The following PIK3C2G variants were observed in gnomAD, a reference collection of about 807,000 sequenced individuals.
PIK3C2G encodes phosphatidylinositol 3-kinase C2 domain-containing subunit gamma.
Under a neutral mutation model 181.1 loss-of-function variants are expected in PIK3C2G, and 168 were observed. That is an observed-to-expected ratio of 0.93 (90% CI 0.82 to 1.05). The LOEUF is 1.05. PIK3C2G is among the 50% of genes least tolerant of loss of function. PIK3C2G has a pLI of 0.00. For synonymous variants in PIK3C2G, 573 were observed against 592.2 expected, an observed-to-expected ratio of 0.97 and a Z score of 0.47; for missense variants, 1,869 against 1,732.8, an observed-to-expected ratio of 1.08 and a Z score of -1.40.
intron 1 of PIK3C2G, among the ~76,000 whole-genome samples, chr12:18,265,273 G>A (rs569310390): frequency 1.3e-5 from 2 of 152,086 alleles, no homozygotes; most frequent in South Asian, 4.1e-4. Flanking sequence ...CACATTTTAG[G>A]TATGTTCATT....
At chr12:18,497,245 T>TCACTTAGA (rs1454220698) in intron 21 of PIK3C2G, among the ~76,000 whole-genome samples, 2 of 152,168 alleles carry the variant, frequency 1.3e-5, no homozygotes, top group African/African-American at 4.8e-5. Flanking sequence ...AAATAATGTT[T>TCACTTAGA]CACTTAGAAA....
chr12:18,487,034 A>G (rs940841337), intron 18 of PIK3C2G, among the ~76,000 whole-genome samples: 7 of 151,954 alleles, frequency 4.6e-5, no homozygotes, highest in Non-Finnish European at 7.4e-5. Flanking sequence ...TTAAAATGAA[A>G]AGAACCAAGT....
chr12:18,556,711 C>A (rs907999706), intron 26 of PIK3C2G, among the ~76,000 whole-genome samples: 1 of 152,042 alleles, frequency 6.6e-6, no homozygotes, highest in Non-Finnish European at 1.5e-5. Flanking sequence ...TGCTATTATC[C>A]TCATGTCTTT....
chr12:18,376,014 A>T (rs1170044931), intron 13 of PIK3C2G, among the ~76,000 whole-genome samples: 1 of 152,258 alleles, frequency 6.6e-6, no homozygotes, highest in Non-Finnish European at 1.5e-5. Context: ...CCGGGTGCCC[A>T]GCCATAAGCC....
chr12:18,605,771 T>C (rs995254862), intron 30 of PIK3C2G, among the ~76,000 whole-genome samples: 2 of 152,156 alleles, frequency 1.3e-5, no homozygotes, highest in Non-Finnish European at 2.9e-5. Context: ...AATGTCCCTC[T>C]TGAGTTCATT....
intron 25 of PIK3C2G, among the ~76,000 whole-genome samples, chr12:18,544,100 G>A (rs1944302447): frequency 6.6e-6 from 1 of 151,788 alleles, no homozygotes; most frequent in Non-Finnish European, 1.5e-5. Flanking sequence ...CCTTGAAAAA[G>A]AATTTCAGTG....
the PIK3C2G span, chr12:18,684,340 T>C: frequency 3.3e-5 from 49 of 1,490,056 alleles, 2 homozygotes; most frequent in South Asian, 5.8e-4. Context: ...AAAAAATAGA[T>C]TACATTTGTT....
the PIK3C2G span, chr12:18,723,298 A>T: frequency 6.3e-7 from 1 of 1,598,418 alleles, no homozygotes; most frequent in African/African-American, 1.3e-5. Context: ...AAAAGTTTGA[A>T]ATGCAAACAT....
intron 24 of PIK3C2G, among the ~76,000 whole-genome samples, chr12:18,533,941 CTTTTTTTTTT>C (rs542327503): frequency 1.1e-5 from 1 of 91,484 alleles, no homozygotes; most frequent in Non-Finnish European, 2.0e-5. Context: ...CCTGCTATTT[CTTTTTTTTTT>C]TTTTTTTTTT....
chr12:18,295,236 C>T (rs1949888004), intron 5 of PIK3C2G, among the ~76,000 whole-genome samples: 1 of 151,754 alleles, frequency 6.6e-6, no homozygotes, highest in Non-Finnish European at 1.5e-5. Flanking sequence ...TTAACACACT[C>T]ATTTACTAGT....
At chr12:18,650,500 A>G (rs1000475839), downstream of PIK3C2G, among the ~76,000 whole-genome samples, 7 of 150,076 alleles carry the variant, frequency 4.7e-5, no homozygotes, top group African/African-American at 1.7e-4. Flanking sequence ...TTTCCTGTGT[A>G]TGAAAAAAAA....
At chr12:18,707,221 T>C in the PIK3C2G span, among the ~76,000 whole-genome samples, 1 of 152,210 alleles carries the variant, frequency 6.6e-6, no homozygotes, top group South Asian at 2.1e-4. Flanking sequence ...GTTCCAGGAA[T>C]TAAAACTTAA....
chr12:18,303,405 G>C (rs987941878), intron 5 of PIK3C2G, among the ~76,000 whole-genome samples: 3 of 151,118 alleles, frequency 2.0e-5, no homozygotes, highest in Admixed American at 2.0e-4. Context: ...CATGATCTTG[G>C]CTCACCGCAA....
intron 30 of PIK3C2G, among the ~76,000 whole-genome samples, chr12:18,598,893 G>C (rs1247449392): frequency 6.6e-6 from 1 of 150,892 alleles, no homozygotes; most frequent in Admixed American, 6.6e-5. Flanking sequence ...AAACACATGA[G>C]AAAATGCTCA....
In PIK3C2G at chr12:18,420,931, T is replaced by C. The variant is rs762610065; in HGVS notation, c.2316-10T>C. 2.8e-6 allele frequency: 4 copies of C among 1,449,400 alleles called. No individual in the cohort carries two copies. The highest frequency in any genetic ancestry group is 2.3e-5 in the South Asian group (2 of 87,430). The allele number at this position is 1,449,400 out of a possible 1,614,324, so 89.8% of individuals were successfully genotyped here. On this transcript the variant is annotated splice_polypyrimidine_tract_variant and intron_variant, in intron 16 of 32. Coordinates refer to ENST00000538779, the MANE Select transcript of PIK3C2G (RefSeq NM_001288772.2). ...TTAACAGCTTAGTGGATATATTTAC[T>C]GTGTATTAGTTTTCCAGATCAAGAA...
At chr12:18,664,044 A>G in the PIK3C2G span, among the ~76,000 whole-genome samples, 1 of 152,202 alleles carries the variant, frequency 6.6e-6, no homozygotes, top group Admixed American at 6.5e-5. Context: ...AACTACAATG[A>G]TATAACACTC....
At chr12:18,546,582 G>A (rs1432259113) in intron 26 of PIK3C2G, 150 bp downstream of exon 26, 1 of 604,314 alleles carries the variant, frequency 1.7e-6, no homozygotes, top group Non-Finnish European at 3.0e-6. Flanking sequence ...AGAGCAGAAA[G>A]GAAGCAATGT....
Position 18,546,376 on chromosome 12 carries a change from G to C in PIK3C2G, c.3534G>C (p.Val1178=), listed in dbSNP as rs1281762058. The C allele has an allele frequency of 1.2e-6, 2 of 1,602,110 alleles. No homozygotes were observed. Among genetic ancestry groups the C allele is most frequent in the South Asian group, 2.3e-5 (2 of 88,838 alleles). The stretch of plus-strand genomic sequence containing the variant: ...GTGGAATTCAAGACCTGAAATATGT[G>C]TATAATAATCTTCGTCCACAAGACA... ...ELSGIQDLKY[V]YNNLRPQDTD... is the part of the protein sequence containing the mutation. The change falls in exon 26 of 33, where the codon GTG becomes GTC. Residue 1178 remains valine (V), a synonymous_variant. Coordinates refer to ENST00000538779, the MANE Select transcript of PIK3C2G (RefSeq NM_001288772.2).
intron 29 of PIK3C2G, among the ~76,000 whole-genome samples, chr12:18,589,648 GATT>G (rs1299167567): frequency 1.3e-5 from 2 of 151,872 alleles, no homozygotes; most frequent in African/African-American, 4.8e-5. Flanking sequence ...CTGGGACAAG[GATT>G]ATTAAGAAAA....
Sources: allele counts gnomAD v4.1 joint callset (sites outside exome capture counted in the v4.1 genomes callset), GRCh38; gene constraint gnomAD v4.1.1; transcripts MANE v1.5; gene names NCBI Gene and HGNC (gene_info 2026-07-23, HGNC 2026-07-21).